Variants in SNX19 observed in about 807,000 individuals in gnomAD.
SNX19 encodes sorting nexin 19.
SNX19 carries 60 observed loss-of-function variants against 85.2 expected under a neutral mutation model. The ratio of observed to expected loss-of-function variants is 0.70; its 90% CI spans 0.57 to 0.87. SNX19 has a LOEUF of 0.87. SNX19 is among the 40% of genes least tolerant of loss of function. SNX19 has a pLI of 0.00. For synonymous variants in SNX19, 520 were observed against 470.0 expected (o/e 1.11, Z -1.38); for missense variants, 1,201 against 1,217.8 (o/e 0.99, Z 0.21).
At chr11:130,888,720 T>C (rs560844840) in intron 8 of SNX19, among the ~76,000 whole-genome samples, 1 of 152,360 alleles carries the variant, frequency 6.6e-6, no homozygotes, top group South Asian at 2.1e-4. Flanking sequence ...CTAACCCATA[T>C]GGACAAATGG....
Position 130,915,148 on chromosome 11 carries a change from G to A in SNX19, c.792C>T (p.Leu264=), listed in dbSNP as rs752728951. Residue 264 remains leucine (L), a synonymous_variant, in exon 1 of 11, where the codon CTC becomes CTT. Coordinates refer to ENST00000265909, the MANE Select transcript of SNX19 (RefSeq NM_014758.3). The part of the protein sequence containing the change: ...LSDPDWIHLV[L]VGIFSKARDP... ...CTCTGGCCTTGGAAAAGATACCCAC[G>A]AGTACAAGGTGGATCCAGTCAGGAT... The A allele has an allele frequency of 2.5e-6, 4 of 1,614,008 alleles. No individual in the cohort carries two copies. In the South Asian group the frequency reaches 3.3e-5, roughly 13 times the overall value.
chr11:130,907,802 G>A (rs1312547991), intron 5 of SNX19, 151 bp downstream of exon 5: 89 of 1,234,106 alleles, frequency 7.2e-5, no homozygotes, highest in Non-Finnish European at 9.8e-5. Flanking sequence ...GTGGAAAACT[G>A]AGGAGCCTGG....
intron 8 of SNX19, among the ~76,000 whole-genome samples, chr11:130,892,411 C>T (rs1163839449): frequency 6.6e-6 from 1 of 152,016 alleles, no homozygotes; most frequent in Non-Finnish European, 1.5e-5. Context: ...ACAAAGTTAT[C>T]ATCAAGATGA....
chr11:130,884,482 G>A (rs527840267), intron 8 of SNX19, among the ~76,000 whole-genome samples: 54 of 152,196 alleles, frequency 3.5e-4, no homozygotes, highest in Admixed American at 8.5e-4. Context: ...TCAGTTTCTG[G>A]ACTTTGCTGG....
At chr11:130,903,722 C>T (rs1025956900) in intron 7 of SNX19, among the ~76,000 whole-genome samples, 4 of 146,754 alleles carry the variant, frequency 2.7e-5, no homozygotes, top group African/African-American at 7.8e-5. Context: ...CACATACACA[C>T]ACACACACAC....
chr11:130,911,864 C>G lies in SNX19; in HGVS notation c.1675-93G>C, dbSNP rs978363888. ...GACTACTTGGTCAATGGCCACATAG[C>G]AAGAGTACGAAACTAAGAACAAAGG... On this transcript the variant is annotated intron_variant, in intron 1 of 10. Transcript: ENST00000265909. 2.4e-6 allele frequency: 3 copies of G among 1,259,550 alleles called. No individual in the cohort carries two copies. In the African/African-American group the frequency reaches 4.4e-5, roughly 19 times the overall value. The allele number at this position is 1,259,550 out of a possible 1,614,324, so 78.0% of individuals were successfully genotyped here. A position where few individuals can be genotyped will look rare whatever the true frequency, so the allele number is the denominator to read the frequency against.
Position 130,866,486 on chromosome 11 carries a change from A to G in SNX19, c.*11936T>C, listed in dbSNP as rs943262140. ...CAGTAATAAATACGTGCCCATTGCA[A>G]TGAGTTACCCAATCAAGCCCTTTTA... On this transcript the variant is annotated 3_prime_UTR_variant, in exon 11 of 11. Coordinates refer to ENST00000265909, the MANE Select transcript of SNX19 (RefSeq NM_014758.3). 1 of 152,234 alleles carries G rather than the reference A, an allele frequency of 6.6e-6. No homozygotes were observed. The highest frequency in any genetic ancestry group is 1.5e-5 in the Non-Finnish European group (1 of 68,050). 9.4% of individuals were successfully genotyped at this position (152,234 alleles called of 1,614,324 possible).
rs560629551 is a variant in SNX19 at position 130,894,831 on chromosome 11, C to T, written c.2573+8424G>A. 2.2e-4 allele frequency: 218 copies of T among 985,452 alleles called. 1 individual carries two copies. Among genetic ancestry groups the T allele is most frequent in the Admixed American group, 1.2e-4 (2 of 16,290 alleles). 61.0% of individuals were successfully genotyped at this position (985,452 alleles called of 1,614,324 possible). On this transcript the variant is annotated intron_variant, in intron 8 of 10. Coordinates refer to ENST00000265909, the MANE Select transcript of SNX19 (RefSeq NM_014758.3). ...AAACCAGTCTAAATGACACCTATCT[C>T]ACAAGATCTAGCTGTTATACCTTCC...
rs757015970 is a variant in SNX19, at chr11:130,915,344, T to C, written c.596A>G (p.His199Arg). 18 of 1,614,046 alleles carry C rather than the reference T, an allele frequency of 1.1e-5. No individual in the cohort carries two copies. In the Admixed American group the frequency reaches 3.0e-4, roughly 27 times the overall value. ...WEAYCRATAP[H>R]PAVHSPSAEV... Reference sequence around the variant, plus strand: ...AGCACTGGGGCTGTGCACAGCAGGATGTGGGGCAGTCGCCCGGCAGTAAGC... The same window carrying C: ...AGCACTGGGGCTGTGCACAGCAGGACGTGGGGCAGTCGCCCGGCAGTAAGC... Residue 199 changes from histidine (H) to arginine (R), a missense_variant, in exon 1 of 11, where the codon CAT becomes CGT. This residue lies in a region of SNX19 where 791 missense variants were observed against 750.9 expected (regional missense o/e 1.05). Coordinates refer to ENST00000265909, the MANE Select transcript of SNX19 (RefSeq NM_014758.3).
rs1942873843 is a variant in SNX19, at chr11:130,868,525, G to C, written c.*9897C>G. 1 of 152,244 alleles carries C rather than the reference G, an allele frequency of 6.6e-6. No individual in the cohort carries two copies. Among genetic ancestry groups the C allele is most frequent in the Non-Finnish European group, 1.5e-5 (1 of 68,090 alleles). The allele number at this position is 152,244 out of a possible 1,614,324, so 9.4% of individuals were successfully genotyped here. ...CTGTTTCTGGGACATTTCCACCTTA[G>C]ATTAGACAGGCATTGGAGTCAGGAG... is the stretch of plus-strand genomic sequence containing the variant. On this transcript the variant is annotated 3_prime_UTR_variant, in exon 11 of 11. Coordinates refer to ENST00000265909, the MANE Select transcript of SNX19 (RefSeq NM_014758.3).
chr11:130,888,012 T>C (rs1461117833), intron 8 of SNX19, among the ~76,000 whole-genome samples: 1 of 152,066 alleles, frequency 6.6e-6, no homozygotes, highest in Non-Finnish European at 1.5e-5. Flanking sequence ...CCGAAGATTG[T>C]GTTAGCTTTT....
chr11:130,914,518 C>A lies in SNX19; in HGVS notation c.1422G>T (p.Lys474Asn). Residue 474 changes from lysine to asparagine, a missense_variant, in exon 1 of 11, where the codon AAG becomes AAT. Lys to Asn is a moderately conservative substitution (Grantham distance 94, BLOSUM62 0). This residue lies in a region of SNX19 where 791 missense variants were observed against 750.9 expected (regional missense o/e 1.05). Transcript: ENST00000265909. ...AGCATGACGGCCGTGAGGGGCAGGT[C>A]TTTTCTGGCCCCTCCAGCAAAGCTG... ...SVTALLEGPE[K>N]TCPSRPSCLE... is the part of the protein sequence containing the mutation. The A allele has an allele frequency of 6.2e-7, 1 of 1,613,972 alleles. No homozygotes were observed.
In SNX19 at chr11:130,876,360, C is replaced by T. The variant is rs1020854080; in HGVS notation, c.*2062G>A. ...CCTTGGCAATATCCATTATTTCCCT[C>T]CTGGGTAGAAGGAGGATCTGAGGAC... On this transcript the variant is annotated 3_prime_UTR_variant, in exon 11 of 11. Transcript: ENST00000265909. 1 of 152,372 alleles carries T rather than the reference C, an allele frequency of 6.6e-6. No individual in the cohort carries two copies. The highest frequency in any genetic ancestry group is 2.4e-5 in the African/African-American group (1 of 41,426). 9.4% of individuals were successfully genotyped at this position (152,372 alleles called of 1,614,324 possible).
intron 8 of SNX19, among the ~76,000 whole-genome samples, chr11:130,883,643 T>C (rs1943847427): frequency 6.6e-6 from 1 of 152,166 alleles, no homozygotes; most frequent in African/African-American, 2.4e-5. Flanking sequence ...TCCTGGATTC[T>C]CCTCTTGCCT....
intron 8 of SNX19, among the ~76,000 whole-genome samples, chr11:130,889,313 T>C (rs1446064537): frequency 6.6e-6 from 1 of 152,146 alleles, no homozygotes; most frequent in Non-Finnish European, 1.5e-5. Context: ...CTCTTTTTCT[T>C]CCTCATTGGA....
intron 8 of SNX19, among the ~76,000 whole-genome samples, chr11:130,886,606 T>C (rs111263760): frequency 1.7e-4 from 26 of 152,266 alleles, no homozygotes; most frequent in African/African-American, 5.8e-4. Context: ...AGTATGAGTA[T>C]TGGCTCATCC....
At position 130,916,061 on chromosome 11, in the gene SNX19, G is replaced by C. The variant is rs1946566325; in HGVS notation, c.-122C>G. On this transcript the variant is annotated 5_prime_UTR_variant, in exon 1 of 11. Coordinates refer to ENST00000265909, the MANE Select transcript of SNX19 (RefSeq NM_014758.3). ...CGATCTGGGTGCTGTTCAGGGAACC[G>C]GGGCTCCAGGCCCTCAAAGTCCTAC... is the stretch of plus-strand genomic sequence containing the variant. The C allele has an allele frequency of 1.2e-6, 1 of 864,354 alleles. No individual in the cohort carries two copies. The highest frequency in any genetic ancestry group is 2.7e-5 in the East Asian group (1 of 37,668). 53.5% of individuals were successfully genotyped at this position (864,354 alleles called of 1,614,324 possible).
At position 130,910,127 on chromosome 11, in the gene SNX19, GCA is replaced by G; in HGVS notation, c.1923_1924del (p.Ala642HisfsTer6). The G allele has an allele frequency of 6.2e-7, 1 of 1,614,126 alleles. No homozygotes were observed. The highest frequency in any genetic ancestry group is 8.5e-7 in the Non-Finnish European group (1 of 1,180,020). On this transcript the variant is annotated frameshift_variant, in exon 4 of 11. Coordinates refer to ENST00000265909, the MANE Select transcript of SNX19 (RefSeq NM_014758.3). LOFTEE classifies it high-confidence loss of function. ...CTCACTGTTAGCGATCTCCGGAATG[GCA>G]CAGAGTTGCTGCAAAAGTAAAACAC...
rs1283662779 is a variant in SNX19 at position 130,874,889 on chromosome 11, A to G, written c.*3533T>C. Among the ~76,000 whole-genome samples the G allele has an allele frequency of 1.3e-5, 2 of 152,260 alleles. No individual in the cohort carries two copies. The highest frequency in any genetic ancestry group is 1.3e-4 in the Admixed American group (2 of 15,290). Reference sequence around the variant, plus strand: ...ACAAGTGTTGGAGAGGATGTGGAGAAACTGGAACCCTTGTACATTGTTGGT... The same window carrying G: ...ACAAGTGTTGGAGAGGATGTGGAGAGACTGGAACCCTTGTACATTGTTGGT... On this transcript the variant is annotated 3_prime_UTR_variant, in exon 11 of 11. Transcript: ENST00000265909.
Sources: allele counts gnomAD v4.1 joint callset (sites outside exome capture counted in the v4.1 genomes callset), GRCh38; gene constraint gnomAD v4.1.1; regional missense constraint gnomAD v4.1.1; transcripts MANE v1.5; gene names NCBI Gene and HGNC (gene_info 2026-07-23, HGNC 2026-07-21).